Variants in STAC observed in about 807,000 individuals in gnomAD.
STAC encodes the protein SH3 and cysteine-rich domain-containing protein.
Under a neutral mutation model 48.8 loss-of-function variants are expected in STAC, and 43 were observed. The observed-to-expected ratio is 0.88, with a 90% confidence interval of 0.69 to 1.14. STAC has a LOEUF of 1.14. STAC is among the 50% of genes most tolerant of loss of function. STAC has a pLI of 0.00. For missense variants in STAC, 497 were observed against 504.0 expected (o/e 0.99, Z 0.13); for synonymous variants, 193 against 179.5 (o/e 1.07, Z -0.60).
intron 1 of STAC, among the ~76,000 whole-genome samples, chr3:36,407,991 C>T (rs1431960713): frequency 6.6e-6 from 1 of 152,170 alleles, no homozygotes; most frequent in Non-Finnish European, 1.5e-5. Flanking sequence ...TTCATGTTAA[C>T]CACAGTCCAG....
intron 2 of STAC, among the ~76,000 whole-genome samples, chr3:36,462,221 A>G (rs1031815808): frequency 3.3e-5 from 5 of 152,138 alleles, no homozygotes; most frequent in African/African-American, 1.2e-4. Context: ...GTTTCCATCA[A>G]CTTAGATAGG....
rs112802809 is a variant in STAC, at chr3:36,457,449, A to T, written c.388+13809A>T. 3.6e-3 allele frequency among the ~76,000 whole-genome samples: 549 copies of T among 152,346 alleles called. 1 individual carries two copies. Among genetic ancestry groups the T allele is most frequent in the African/African-American group, 0.011 (459 of 41,586 alleles). On this transcript the variant is annotated intron_variant, in intron 2 of 10. Coordinates refer to ENST00000273183, the MANE Select transcript of STAC (RefSeq NM_003149.3). ...GTTCACTATTATTAAAGCTATCTTT[A>T]TGTGTGAAAAGCAGGTTGATATTAA... is the stretch of plus-strand genomic sequence containing the variant.
At chr3:36,454,022 T>C (rs149297088) in intron 2 of STAC, among the ~76,000 whole-genome samples, 16,857 of 152,054 alleles carry the variant, frequency 0.11, 1,176 homozygotes, top group East Asian at 0.31. Context: ...GCTCAGGGAT[T>C]GTAAACACAC....
intron 8 of STAC, among the ~76,000 whole-genome samples, chr3:36,509,297 G>A (rs1003868343): frequency 1.3e-5 from 2 of 152,084 alleles, no homozygotes; most frequent in East Asian, 3.9e-4. Flanking sequence ...GCTTCCCTTT[G>A]TGGGTAATCC....
At chr3:36,461,223 T>C (rs1697008947) in intron 2 of STAC, among the ~76,000 whole-genome samples, 1 of 152,234 alleles carries the variant, frequency 6.6e-6, no homozygotes, top group Non-Finnish European at 1.5e-5. Context: ...ACTCGAATTC[T>C]GGTAAATCTG....
At chr3:36,450,913 T>C (rs1379768193) in intron 2 of STAC, among the ~76,000 whole-genome samples, 1 of 152,230 alleles carries the variant, frequency 6.6e-6, no homozygotes, top group Non-Finnish European at 1.5e-5. Context: ...GTTTGTTTGA[T>C]AGGCCTTTAT....
intron 1 of STAC, among the ~76,000 whole-genome samples, chr3:36,410,761 CATCTGAGGGTGTTTGTAATTCCTG>C (rs1245794613): frequency 2.0e-5 from 3 of 152,186 alleles, no homozygotes; most frequent in Admixed American, 6.5e-5. Context: ...GAAAAACTAA[CATCTGAGGGTGTTTGTAATTCCTG>C]ATTGATCTTT....
At chr3:36,519,553 GT>G (rs1245598707) in intron 8 of STAC, among the ~76,000 whole-genome samples, 1 of 152,158 alleles carries the variant, frequency 6.6e-6, no homozygotes, top group African/African-American at 2.4e-5. Context: ...GCAAGAGTAG[GT>G]AACACTTTAT....
At chr3:36,435,593 C>A (rs913566547) in intron 1 of STAC, among the ~76,000 whole-genome samples, 2 of 152,052 alleles carry the variant, frequency 1.3e-5, no homozygotes, top group Non-Finnish European at 2.9e-5. Flanking sequence ...TTCTTTATAG[C>A]AAAGCTTCTC....
intron 6 of STAC, among the ~76,000 whole-genome samples, chr3:36,503,497 C>G (rs1575245315): frequency 6.6e-6 from 1 of 152,236 alleles, no homozygotes; most frequent in East Asian, 1.9e-4. Flanking sequence ...GTGGTGTGAT[C>G]TTACCTTACT....
chr3:36,400,872 T>C (rs1699987429), intron 1 of STAC, among the ~76,000 whole-genome samples: 2 of 152,332 alleles, frequency 1.3e-5, no homozygotes, highest in East Asian at 1.9e-4. Context: ...AGATATTCCC[T>C]TCATATGAAA....
chr3:36,531,314 G>C (rs1298469797), intron 10 of STAC, among the ~76,000 whole-genome samples: 1 of 152,170 alleles, frequency 6.6e-6, no homozygotes, highest in Non-Finnish European at 1.5e-5. Flanking sequence ...ATGATGGTAA[G>C]AATTAGGAAC....
At chr3:36,464,030 A>G (rs1697095184) in intron 2 of STAC, among the ~76,000 whole-genome samples, 1 of 152,132 alleles carries the variant, frequency 6.6e-6, no homozygotes, top group Non-Finnish European at 1.5e-5. Context: ...TTGGGTATAT[A>G]CCCAGTAATG....
intron 1 of STAC, among the ~76,000 whole-genome samples, chr3:36,385,198 C>A (rs1699590775): frequency 6.6e-6 from 1 of 152,096 alleles, no homozygotes; most frequent in Non-Finnish European, 1.5e-5. Context: ...TATACGTAGT[C>A]TTCCTATACT....
rs200639094 is a variant in STAC, at chr3:36,485,009, C to G, written c.522C>G (p.Pro174=). The change falls in exon 4 of 11, where the codon CCC becomes CCG. Residue 174 remains proline (P), a synonymous_variant. Transcript: ENST00000273183. ...GGTTTCGGCGTTACTACAGCTCCCC[C>G]TTGCTCATTCATGAACAGTTTGGCT... ...PKGFRRYYSS[P]LLIHEQFGCI... The G allele has an allele frequency of 1.2e-6, 2 of 1,604,632 alleles. No homozygotes were observed. Among genetic ancestry groups the G allele is most frequent in the East Asian group, 4.5e-5 (2 of 44,082 alleles).
At chr3:36,418,874 C>A (rs1215980533) in intron 1 of STAC, among the ~76,000 whole-genome samples, 2 of 151,834 alleles carry the variant, frequency 1.3e-5, no homozygotes, top group Admixed American at 6.6e-5. Context: ...ATGGAGAAAC[C>A]CTGTCTCTAC....
At chr3:36,427,692 T>C in intron 1 of STAC, among the ~76,000 whole-genome samples, 1 of 152,200 alleles carries the variant, frequency 6.6e-6, no homozygotes, top group East Asian at 1.9e-4. Context: ...CAGTTTGAGA[T>C]TCTGAGAGAC....
At chr3:36,517,774 A>G (rs1239462626) in intron 8 of STAC, among the ~76,000 whole-genome samples, 1 of 152,168 alleles carries the variant, frequency 6.6e-6, no homozygotes, top group Admixed American at 6.5e-5. Flanking sequence ...CATAGACCAT[A>G]TGTCACATCA....
chr3:36,393,294 C>T (rs1251559732), intron 1 of STAC, among the ~76,000 whole-genome samples: 1 of 152,122 alleles, frequency 6.6e-6, no homozygotes, highest in African/African-American at 2.4e-5. Context: ...CTCCCTTGCT[C>T]CTGTGTCCCT....
Sources: allele counts gnomAD v4.1 joint callset (sites outside exome capture counted in the v4.1 genomes callset), GRCh38; gene constraint gnomAD v4.1.1; transcripts MANE v1.5; gene names NCBI Gene and HGNC (gene_info 2026-07-23, HGNC 2026-07-21).